Variants in SYCP1 observed in about 807,000 individuals in gnomAD.
The protein encoded by SYCP1 is synaptonemal complex protein 1, also known as cancer/testis antigen 8.
A neutral mutation model predicts 153.1 loss-of-function variants in SYCP1; 64 were observed. The observed-to-expected ratio is 0.42, with a 90% CI of 0.34 to 0.51. SYCP1 has a LOEUF of 0.51. Ranked by LOEUF, SYCP1 falls within the 20% of genes least tolerant of loss-of-function variation. The pLI is 0.06. For missense variants in SYCP1, 997 were observed against 1,049.0 expected (o/e 0.95, Z 0.68); for synonymous variants, 384 against 341.8 (o/e 1.12, Z -1.36).
intron 20 of SYCP1, among the ~76,000 whole-genome samples, chr1:114,919,314 T>G (rs1304607128): frequency 6.6e-6 from 1 of 152,170 alleles, no homozygotes; most frequent in East Asian, 1.9e-4. Context: ...ATTGATTTAT[T>G]TGTATATGTT....
rs535287484 is a variant in SYCP1 at position 114,912,441 on chromosome 1, C to T, written c.1530-592C>T. 1.6e-4 allele frequency among the ~76,000 whole-genome samples: 25 copies of T among 152,062 alleles called. No homozygotes were observed. The East Asian group carries it at 4.8e-3, about 29-fold the overall frequency. ...TCTGTAGAGCCACATACTCCTCCGC[C>T]TTCATTTAAAATTGATATTGGATGT... On this transcript the variant is annotated intron_variant, in intron 18 of 31. Transcript: ENST00000369522.
At chr1:114,859,716 G>C in intron 6 of SYCP1, 27 bp from the exon 7 acceptor site, 1 of 1,007,698 alleles carries the variant, frequency 9.9e-7, no homozygotes, top group Non-Finnish European at 1.3e-6. Context: ...AGCAAAATGG[G>C]ATGAACTTTT....
chr1:114,960,893 CT>C (rs1298913658), intron 27 of SYCP1, among the ~76,000 whole-genome samples: 4 of 152,106 alleles, frequency 2.6e-5, no homozygotes, highest in South Asian at 2.1e-4. Context: ...GGGATTTTCT[CT>C]TACTCTATCT....
chr1:114,862,225 AT>A (rs1300520408), intron 8 of SYCP1, among the ~76,000 whole-genome samples: 1 of 152,156 alleles, frequency 6.6e-6, no homozygotes, highest in Non-Finnish European at 1.5e-5. Context: ...TTCAAGATTA[AT>A]TTTTCTGCCT....
At chr1:114,895,332 T>C (rs1666986176) in intron 15 of SYCP1, 116 bp from the exon 16 acceptor site, 1 of 513,736 alleles carries the variant, frequency 1.9e-6, no homozygotes, top group African/African-American at 1.9e-5. Context: ...ATTGCTCTAG[T>C]TGCATTTGTC....
intron 8 of SYCP1, among the ~76,000 whole-genome samples, chr1:114,873,406 A>G (rs751735932): frequency 6.6e-6 from 1 of 152,178 alleles, no homozygotes; most frequent in Non-Finnish European, 1.5e-5. Context: ...AGATGGGACA[A>G]GGTGGTAGAG....
chr1:114,967,702 G>A (rs1245800359), intron 27 of SYCP1, among the ~76,000 whole-genome samples: 1 of 152,130 alleles, frequency 6.6e-6, no homozygotes, highest in Non-Finnish European at 1.5e-5. Context: ...ATATTGTTGT[G>A]TGTGAATTTG....
upstream of SYCP1, chr1:114,854,773 C>T (rs762346494): frequency 1.7e-4 from 26 of 152,102 alleles, no homozygotes; most frequent in Non-Finnish European, 3.5e-4. Flanking sequence ...TTGTTCCTAG[C>T]GATTAGGGAA....
intron 8 of SYCP1, 134 bp downstream of exon 8, chr1:114,860,943 T>C: frequency 1.6e-6 from 1 of 615,132 alleles, no homozygotes; most frequent in South Asian, 2.8e-5. Context: ...AGACTATTTT[T>C]ATATAAGTAA....
chr1:114,967,468 T>C (rs575602144), intron 27 of SYCP1, among the ~76,000 whole-genome samples: 67 of 152,352 alleles, frequency 4.4e-4, no homozygotes, highest in African/African-American at 1.6e-3. Flanking sequence ...GTTTAAAGTC[T>C]GTTTTATCAG....
chr1:114,955,489 G>T (rs999848258), intron 27 of SYCP1, among the ~76,000 whole-genome samples: 3 of 152,240 alleles, frequency 2.0e-5, no homozygotes, highest in African/African-American at 7.2e-5. Context: ...TTTTCTTTCT[G>T]TTTGGTAGAC....
intron 27 of SYCP1, among the ~76,000 whole-genome samples, chr1:114,955,322 C>T (rs1671367190): frequency 6.6e-6 from 1 of 151,954 alleles, no homozygotes; most frequent in African/African-American, 2.4e-5. Flanking sequence ...ATTTAATCTG[C>T]TAATTTTTTG....
rs1436552770 is a variant in SYCP1, at chr1:114,872,317, A to G, written c.599-2189A>G. Reference sequence around the variant, plus strand: ...CTTTTGAAGGATAGTTTCTCAAATTACAGAATTCTGTGTTGCTGGTTTTTT... The same window carrying G: ...CTTTTGAAGGATAGTTTCTCAAATTGCAGAATTCTGTGTTGCTGGTTTTTT... On this transcript the variant is annotated intron_variant, in intron 8 of 31. Coordinates refer to ENST00000369522, the MANE Select transcript of SYCP1 (RefSeq NM_003176.4). Among the ~76,000 whole-genome samples, 3 of 152,296 alleles carry G rather than the reference A, an allele frequency of 2.0e-5. No individual in the cohort carries two copies. The South Asian group carries it at 6.2e-4, about 32-fold the overall frequency.
At chr1:114,934,632 A>G (rs360663) in intron 23 of SYCP1, among the ~76,000 whole-genome samples, 58,598 of 152,022 alleles carry the variant, frequency 0.39, 12,514 homozygotes, top group East Asian at 0.5. Context: ...ATAAAGAGTC[A>G]AGACCCATCA....
At chr1:114,994,677 A>AT (rs758747518) in intron 30 of SYCP1, 21 bp from the exon 31 acceptor site, 3 of 1,527,670 alleles carry the variant, frequency 2.0e-6, no homozygotes, top group South Asian at 2.6e-5. Flanking sequence ...CCAACATCAT[A>AT]TTTTTTTATT....
intron 27 of SYCP1, 46 bp downstream of exon 27, chr1:114,947,366 G>A: frequency 1.5e-6 from 2 of 1,361,272 alleles, no homozygotes; most frequent in Non-Finnish European, 2.0e-6. Flanking sequence ...AGGTTTAGGG[G>A]CAACTTTGCA....
In SYCP1 at chr1:114,981,468, C is replaced by T; in HGVS notation, c.2515C>T (p.Leu839=). Residue 839 remains leucine (L), a synonymous_variant, in exon 29 of 32, where the codon CTG becomes TTG. Coordinates refer to ENST00000369522, the MANE Select transcript of SYCP1 (RefSeq NM_003176.4). ...CATATCCAAAGATAAAAGAGACTAT[C>T]TGTGGACATCTGCCAAAAATACTTT... ...HGISKDKRDY[L]WTSAKNTLST... The T allele has an allele frequency of 1.2e-6, 2 of 1,603,050 alleles. No individual in the cohort carries two copies. Among genetic ancestry groups the T allele is most frequent in the South Asian group, 2.3e-5 (2 of 87,494 alleles).
At chr1:114,871,536 A>G (rs1336539319) in intron 8 of SYCP1, among the ~76,000 whole-genome samples, 1 of 152,050 alleles carries the variant, frequency 6.6e-6, no homozygotes, top group Non-Finnish European at 1.5e-5. Flanking sequence ...ATAAGCATTT[A>G]TAATCTAATA....
intron 8 of SYCP1, among the ~76,000 whole-genome samples, chr1:114,865,210 T>C (rs1273451110): frequency 5.3e-5 from 8 of 151,792 alleles, no homozygotes. Flanking sequence ...TACCCTGGGG[T>C]CCATTTCTGT....
Sources: gnomAD v4.1 joint callset for allele counts (sites outside exome capture counted in the v4.1 genomes callset) on GRCh38, gnomAD v4.1.1 for gene constraint, MANE v1.5 for transcripts, NCBI Gene and HGNC (gene_info 2026-07-23, HGNC 2026-07-21) for gene names.